Variants in MYRIP observed in about 807,000 individuals in gnomAD.
MYRIP encodes myosin VIIA and Rab interacting protein, also known as rab effector MyRIP.
MYRIP carries 49 observed loss-of-function variants against 98.0 expected under a neutral mutation model. The ratio of observed to expected loss-of-function variants is 0.50; its 90% CI spans 0.40 to 0.63. The LOEUF (loss-of-function observed/expected upper bound fraction) is 0.63, where lower values mean the gene tolerates loss of function less well. Ranked by LOEUF, MYRIP falls within the 30% of genes least tolerant of loss-of-function variation. The pLI is 0.00. For missense variants in MYRIP, 1,004 were observed against 1,058.2 expected (o/e 0.95, Z 0.71); for synonymous variants, 404 against 409.5 (o/e 0.99, Z 0.16).
At chr3:39,813,014 C>G (rs1370037377) in intron 1 of MYRIP, among the ~76,000 whole-genome samples, 2 of 152,170 alleles carry the variant, frequency 1.3e-5, no homozygotes, top group East Asian at 1.9e-4. Context: ...TTGCCTTTCC[C>G]TCAGCAAGAT....
intron 2 of MYRIP, among the ~76,000 whole-genome samples, chr3:39,963,142 C>T (rs1045735761): frequency 3.9e-5 from 6 of 152,048 alleles, no homozygotes; most frequent in Admixed American, 2.0e-4. Flanking sequence ...CAGCACTTTC[C>T]GGGTGACCCA....
chr3:40,257,032 T>A (rs1475650021), intron 16 of MYRIP, among the ~76,000 whole-genome samples: 5 of 152,142 alleles, frequency 3.3e-5, no homozygotes, highest in African/African-American at 4.8e-5. Context: ...CATTCAGTAA[T>A]AAATTACAGT....
chr3:39,879,162 G>A (rs1943097977), intron 1 of MYRIP, among the ~76,000 whole-genome samples: 1 of 151,404 alleles, frequency 6.6e-6, no homozygotes, highest in South Asian at 2.1e-4. Flanking sequence ...TTTATTCTTT[G>A]AGTTCTTTAG....
At chr3:39,923,254 GAGAA>G (rs1318443692) in intron 2 of MYRIP, among the ~76,000 whole-genome samples, 1 of 151,946 alleles carries the variant, frequency 6.6e-6, no homozygotes, top group African/African-American at 2.4e-5. Context: ...AGAAGGAAAG[GAGAA>G]AGAGAGTTGA....
chr3:40,030,154 AAAGGAAAGAAAG>A (rs1052601386), intron 2 of MYRIP, among the ~76,000 whole-genome samples: 30 of 152,014 alleles, frequency 2.0e-4, no homozygotes, highest in African/African-American at 7.2e-4. Flanking sequence ...GAAGGGAAAG[AAAGGAAAGAAAG>A]AAGGAAATGG....
chr3:39,984,509 CAAT>C (rs1399942613), intron 2 of MYRIP, among the ~76,000 whole-genome samples: 1 of 152,024 alleles, frequency 6.6e-6, no homozygotes. Flanking sequence ...AGTTTACTGA[CAAT>C]GATGATTTCC....
At chr3:39,829,280 T>G (rs1229473795) in intron 1 of MYRIP, among the ~76,000 whole-genome samples, 1 of 152,258 alleles carries the variant, frequency 6.6e-6, no homozygotes, top group African/African-American at 2.4e-5. Flanking sequence ...AGATGTGTCA[T>G]GTTTTCTTGC....
chr3:40,006,622 A>C (rs1946642000), intron 2 of MYRIP, among the ~76,000 whole-genome samples: 1 of 152,224 alleles, frequency 6.6e-6, no homozygotes, highest in African/African-American at 2.4e-5. Flanking sequence ...TTCTCACTTC[A>C]GGAATCTGTG....
At chr3:40,174,512 A>G (rs1950704007) in intron 8 of MYRIP, 1 of 152,208 alleles carries the variant, frequency 6.6e-6, no homozygotes, top group Non-Finnish European at 1.5e-5. Flanking sequence ...CGGGTCCCGG[A>G]CACAATTTTC....
intron 13 of MYRIP, among the ~76,000 whole-genome samples, chr3:40,245,746 G>GTTTTTTT (rs1261813606): frequency 4.7e-5 from 2 of 42,954 alleles, no homozygotes; most frequent in African/African-American, 3.8e-4. Flanking sequence ...CTGGTTTGCT[G>GTTTTTTT]ATTTTTTTTT....
At chr3:40,167,000 C>A in intron 6 of MYRIP, 57 bp downstream of exon 6, 2 of 1,456,536 alleles carry the variant, frequency 1.4e-6, no homozygotes, top group Non-Finnish European at 1.9e-6. Context: ...GTCCTTGCTG[C>A]CAGGAGAAAG....
At chr3:39,879,165 T>C (rs1299698197) in intron 1 of MYRIP, among the ~76,000 whole-genome samples, 4 of 151,700 alleles carry the variant, frequency 2.6e-5, no homozygotes, top group African/African-American at 9.7e-5. Flanking sequence ...ATTCTTTGAG[T>C]TCTTTAGTTT....
intron 1 of MYRIP, among the ~76,000 whole-genome samples, chr3:39,898,047 C>T (rs1014084799): frequency 3.9e-5 from 6 of 151,994 alleles, no homozygotes; most frequent in Admixed American, 1.3e-4. Flanking sequence ...TTCAGTGGGC[C>T]CTCTAGTCTG....
intron 1 of MYRIP, among the ~76,000 whole-genome samples, chr3:39,872,813 T>G (rs1267501813): frequency 6.6e-6 from 1 of 152,230 alleles, no homozygotes; most frequent in African/African-American, 2.4e-5. Context: ...TGTATGTGTC[T>G]TTATAGCAGC....
chr3:40,230,581 G>A (rs187208324), intron 11 of MYRIP, among the ~76,000 whole-genome samples: 2 of 152,306 alleles, frequency 1.3e-5, no homozygotes, highest in Non-Finnish European at 1.5e-5. Context: ...CCCTGCCCCT[G>A]TCATATAGCT....
chr3:40,038,333 A>C (rs534236237), intron 2 of MYRIP, among the ~76,000 whole-genome samples: 1 of 152,158 alleles, frequency 6.6e-6, no homozygotes, highest in South Asian at 2.1e-4. Flanking sequence ...TACTTTAAAA[A>C]ATTTTACTTG....
intron 3 of MYRIP, among the ~76,000 whole-genome samples, chr3:40,085,532 C>G (rs1222858275): frequency 1.3e-5 from 2 of 152,206 alleles, no homozygotes. Flanking sequence ...GATCTGCCTG[C>G]CTCAGCCTCC....
At chr3:40,015,041 G>A (rs371520484) in intron 2 of MYRIP, among the ~76,000 whole-genome samples, 141 of 152,258 alleles carry the variant, frequency 9.3e-4, no homozygotes, top group African/African-American at 3.1e-3. Flanking sequence ...GCTTTTCCTA[G>A]TGGGGCAAGG....
chr3:40,181,719 C>G (rs1950886728), intron 8 of MYRIP, among the ~76,000 whole-genome samples: 1 of 152,124 alleles, frequency 6.6e-6, no homozygotes, highest in African/African-American at 2.4e-5. Flanking sequence ...CTGTCAGTCA[C>G]TTGAATTTCC....
Sources: gnomAD v4.1 joint callset for allele counts (sites outside exome capture counted in the v4.1 genomes callset) on GRCh38, gnomAD v4.1.1 for gene constraint, MANE v1.5 for transcripts, NCBI Gene and HGNC (gene_info 2026-07-23, HGNC 2026-07-21) for gene names.